Variants in SACS observed in about 807,000 individuals in gnomAD.
The protein encoded by SACS is sacsin.
A neutral mutation model predicts 348.0 loss-of-function variants in SACS; 197 were observed. The ratio of observed to expected loss-of-function variants is 0.57; its 90% CI spans 0.50 to 0.64. The LOEUF is 0.64. SACS is among the 30% of genes least tolerant of loss of function. The pLI is 0.00. For synonymous variants in SACS, 1,985 were observed against 1,910.6 expected (o/e 1.04, Z -1.02); for missense variants, 4,999 against 5,360.8 (o/e 0.93, Z 2.11).
At chr13:23,380,370 T>G (rs2137863583) in intron 2 of SACS, among the ~76,000 whole-genome samples, 1 of 152,226 alleles carries the variant, frequency 6.6e-6, no homozygotes, top group South Asian at 2.1e-4. Context: ...TCTTCCAAGT[T>G]TATCTGTATT....
chr13:23,340,995 G>A lies in SACS; in HGVS notation c.2881C>T (p.Arg961Ter), dbSNP rs1593133395. 1.9e-6 allele frequency: 3 copies of A among 1,614,082 alleles called. No individual in the cohort carries two copies. Among genetic ancestry groups the A allele is most frequent in the Admixed American group, 1.7e-5 (1 of 60,020 alleles). Reference sequence around the variant, plus strand: ...CTGTCTATTACTGAAATAGAAAGTCGCAGATCTGCTGGGAGTTTGGCAGTA... The same window carrying A: ...CTGTCTATTACTGAAATAGAAAGTCACAGATCTGCTGGGAGTTTGGCAGTA... ...HHTAKLPADL[R>*]LSISVIDSSD... Residue 961 changes from arginine to a stop codon, truncating the protein, a stop_gained, in exon 10 of 10, where the codon CGA (arginine) becomes TGA (stop). Transcript: ENST00000382292. LOFTEE classifies it high-confidence loss of function.
chr13:23,384,221 T>C (rs1307787146), intron 2 of SACS, among the ~76,000 whole-genome samples: 1 of 152,246 alleles, frequency 6.6e-6, no homozygotes, highest in Non-Finnish European at 1.5e-5. Context: ...GCCAAGCCCG[T>C]GCAAGGTGAC....
chr13:23,335,633 G>C lies in SACS; in HGVS notation c.8243C>G (p.Ser2748Cys), dbSNP rs146898231. The change falls in exon 10 of 10, where the codon TCT becomes TGT. Residue 2748 changes from serine (S) to cysteine (C), a missense_variant. By Grantham distance (112) the Ser-to-Cys change is moderately radical. Around this residue, in one of 6 missense-constraint regions of SACS, gnomAD observed 3,156 missense variants for 3,380.1 expected, o/e 0.93. Transcript: ENST00000382292. The surrounding 1 kb of genome is among the most constrained non-coding windows in gnomAD (Gnocchi z 4.7). ...LMFLNHMEKISICEIDKSTGA... is the reference protein window; with the variant it reads ...LMFLNHMEKICICEIDKSTGA... Reference sequence around the variant, plus strand: ...AGTACTCTTATCTATTTCACAAATAGAAATTTTTTCCATGTGATTAAGAAA... The same window carrying C: ...AGTACTCTTATCTATTTCACAAATACAAATTTTTTCCATGTGATTAAGAAA... 6.2e-7 allele frequency: 1 copy of C among 1,613,898 alleles called. No individual in the cohort carries two copies. The highest frequency in any genetic ancestry group is 8.5e-7 in the Non-Finnish European group (1 of 1,179,880).
At chr13:23,362,581 C>CTTTTTT (rs34351648) in intron 6 of SACS, among the ~76,000 whole-genome samples, 14 of 111,874 alleles carry the variant, frequency 1.3e-4, no homozygotes, top group Non-Finnish European at 1.9e-4. Context: ...TAATACATTC[C>CTTTTTT]TTTTTTTTTT....
chr13:23,340,640 G>A lies in SACS; in HGVS notation c.3236C>T (p.Thr1079Ile). ...EGTYFPPSVF[T>I]SPDILHSLRQ... ...TAAGGAGTGAAGAATATCTGGTGAG[G>A]TAAAAACTGAGGGTGGGAAATAGGT... is the stretch of plus-strand genomic sequence containing the variant. Residue 1079 changes from threonine (T) to isoleucine (I), a missense_variant, in exon 10 of 10, where the codon ACC (threonine) becomes ATC (isoleucine). This residue lies in a region of SACS where 3,156 missense variants were observed against 3,380.1 expected (regional missense o/e 0.93). Coordinates refer to ENST00000382292, the MANE Select transcript of SACS (RefSeq NM_014363.6). The A allele has an allele frequency of 1.2e-6, 2 of 1,604,316 alleles. No homozygotes were observed. The highest frequency in any genetic ancestry group is 1.7e-6 in the Non-Finnish European group (2 of 1,177,288).
intron 1 of SACS, among the ~76,000 whole-genome samples, chr13:23,424,428 G>A (rs1874081148): frequency 6.6e-6 from 1 of 152,138 alleles, no homozygotes; most frequent in African/African-American, 2.4e-5. Context: ...GGGAGGCTGA[G>A]GCAGGAGAAT....
At chr13:23,370,463 G>A (rs1193051377) in intron 4 of SACS, among the ~76,000 whole-genome samples, 1 of 152,004 alleles carries the variant, frequency 6.6e-6, no homozygotes, top group Non-Finnish European at 1.5e-5. Context: ...TATGGTAAGA[G>A]TAATTAATAT....
chr13:23,388,554 C>G (rs1164346644), intron 2 of SACS, among the ~76,000 whole-genome samples: 1 of 144,088 alleles, frequency 6.9e-6, no homozygotes, highest in Non-Finnish European at 1.5e-5. Context: ...AAAAAACAAA[C>G]AAATAAAATA....
rs1216135861 is a variant in SACS at position 23,330,179 on chromosome 13, C to A, written c.13697G>T (p.Cys4566Phe). 1 of 1,613,992 alleles carries A rather than the reference C, an allele frequency of 6.2e-7. No homozygotes were observed. Residue 4566 changes from cysteine to phenylalanine, a missense_variant, in exon 10 of 10, where the codon TGT becomes TTT. By Grantham distance (205) the Cys-to-Phe change is radical. Transcript: ENST00000382292. ...AAAATTTTCAAGTTTTATTATGATA[C>A]AGGCAGTACATTCCATCACCCTCAT... Reference protein sequence around the residue: ...VAMRVMECTACIIIKLENFMQ... With the variant: ...VAMRVMECTAFIIIKLENFMQ...
At chr13:23,364,089 G>A (rs1429919323) in intron 6 of SACS, among the ~76,000 whole-genome samples, 2 of 152,180 alleles carry the variant, frequency 1.3e-5, no homozygotes, top group Non-Finnish European at 2.9e-5. Context: ...TCTTTTTATA[G>A]AGTATAGAAA....
intron 2 of SACS, among the ~76,000 whole-genome samples, chr13:23,380,502 T>C (rs1872010670): frequency 1.3e-5 from 2 of 151,942 alleles, no homozygotes; most frequent in South Asian, 4.2e-4. Flanking sequence ...ATTGGGAGGG[T>C]GAGAAACTCG....
rs1057517383 is a variant in SACS, at chr13:23,333,785, GC to G, written c.10090del (p.Ala3364LeufsTer16). The G allele has an allele frequency of 1.2e-6, 2 of 1,613,814 alleles. No homozygotes were observed. The highest frequency in any genetic ancestry group is 1.7e-6 in the Non-Finnish European group (2 of 1,179,820). On this transcript the variant is annotated frameshift_variant, in exon 10 of 10. Coordinates refer to ENST00000382292, the MANE Select transcript of SACS (RefSeq NM_014363.6). LOFTEE classifies it high-confidence loss of function. The stretch of plus-strand genomic sequence containing the variant: ...TGAAGTTTGGACCATATAATGTAGA[GC>G]CTTCAAGATGCTTGTGGGGCTCTCT... The part of the protein sequence containing the change: ...NIESPTSILK[A>X]LHYMVQTSTF...
At chr13:23,387,590 C>G (rs1872348302) in intron 2 of SACS, among the ~76,000 whole-genome samples, 1 of 152,138 alleles carries the variant, frequency 6.6e-6, no homozygotes, top group Admixed American at 6.5e-5. Context: ...CCCTGGTCAC[C>G]CTGACCGTTT....
intron 2 of SACS, among the ~76,000 whole-genome samples, chr13:23,388,421 T>C (rs1490448158): frequency 8.4e-6 from 1 of 118,594 alleles, no homozygotes; most frequent in African/African-American, 3.0e-5. Context: ...ATGGTGTGTG[T>C]GTATATATAT....
intron 9 of SACS, among the ~76,000 whole-genome samples, chr13:23,344,472 G>A (rs1021655893): frequency 3.3e-5 from 5 of 152,112 alleles, no homozygotes; most frequent in African/African-American, 1.2e-4. Context: ...AAATAAAGGA[G>A]AGAGAAAATG....
intron 4 of SACS, among the ~76,000 whole-genome samples, chr13:23,370,779 A>G (rs1251511220): frequency 6.6e-6 from 1 of 152,196 alleles, no homozygotes; most frequent in Admixed American, 6.5e-5. Flanking sequence ...CCTGGCCAAC[A>G]TGGTAAAACC....
chr13:23,331,092 G>T lies in SACS; in HGVS notation c.12784C>A (p.Pro4262Thr). The change falls in exon 10 of 10, where the codon CCA (proline) becomes ACA (threonine). Residue 4262 changes from proline (P) to threonine (T), a missense_variant. Physicochemically the swap from Pro to Thr is conservative, Grantham distance 38 (BLOSUM62 -1). Transcript: ENST00000382292. ...GTGAGGAACTCAGTGGGGCTGGTTG[G>T]TGTAGAAGGAGCACTGTCCCTGCTT... ...SQSRDSAPST[P>T]TSPTEFLTPG... 1 of 1,614,134 alleles carries T rather than the reference G, an allele frequency of 6.2e-7. No homozygotes were observed. The highest frequency in any genetic ancestry group is 1.7e-5 in the Admixed American group (1 of 60,016).
At position 23,333,540 on chromosome 13, in the gene SACS, G is replaced by T. The variant is rs1883628028; in HGVS notation, c.10336C>A (p.Gln3446Lys). Residue 3446 changes from glutamine (Q) to lysine (K), a missense_variant, in exon 10 of 10, where the codon CAG becomes AAG. Transcript: ENST00000382292. Reference sequence around the variant, plus strand: ...TCAAGAAATGCAGATGATGATGACTGTGTCCATTTCTCCACTTCAGCTGAA... The same window carrying T: ...TCAAGAAATGCAGATGATGATGACTTTGTCCATTTCTCCACTTCAGCTGAA... ...IPSAEVEKWTQSSSSAFLEEK... is the reference protein window; with the variant it reads ...IPSAEVEKWTKSSSSAFLEEK... 1 of 1,613,450 alleles carries T rather than the reference G, an allele frequency of 6.2e-7. No homozygotes were observed. The highest frequency in any genetic ancestry group is 2.2e-5 in the East Asian group (1 of 44,842).
chr13:23,413,481 T>A lies in SACS; in HGVS notation c.-501-1741A>T, dbSNP rs115611677. Among the ~76,000 whole-genome samples, 795 of 152,250 alleles carry A rather than the reference T, an allele frequency of 5.2e-3. 8 individuals carry two copies. Among genetic ancestry groups the A allele is most frequent in the African/African-American group, 0.018 (740 of 41,532 alleles). ...AAGGTCAGTTACTTGTTTCAGCCCA[T>A]CCAACCAGGAGGGGATGGACTGGAA... On this transcript the variant is annotated intron_variant, in intron 1 of 9. Coordinates refer to ENST00000382292, the MANE Select transcript of SACS (RefSeq NM_014363.6).
Sources: allele counts gnomAD v4.1 joint callset (sites outside exome capture counted in the v4.1 genomes callset), GRCh38; gene constraint gnomAD v4.1.1; regional missense constraint gnomAD v4.1.1; non-coding constraint Gnocchi (gnomAD v3.1); transcripts MANE v1.5; gene names NCBI Gene and HGNC (gene_info 2026-07-23, HGNC 2026-07-21).